The following DLG2 variants were observed in gnomAD, a reference collection of about 807,000 sequenced individuals.
DLG2 encodes the protein discs large MAGUK scaffold protein 2, also known as disks large homolog 2.
DLG2 carries 45 observed loss-of-function variants against 132.5 expected under a neutral mutation model. The ratio of observed to expected loss-of-function variants is 0.34; its 90% CI spans 0.27 to 0.44. The LOEUF is 0.44. Ranked by LOEUF, DLG2 falls within the 20% of genes least tolerant of loss-of-function variation. The pLI is 1.00. For synonymous variants in DLG2, 424 were observed against 419.6 expected, an observed-to-expected ratio of 1.01 and a Z score of -0.13; for missense variants, 1,045 against 1,196.9, an observed-to-expected ratio of 0.87 and a Z score of 1.87.
chr11:84,712,397 C>G (rs1437190263), intron 6 of DLG2, among the ~76,000 whole-genome samples: 7 of 152,042 alleles, frequency 4.6e-5, no homozygotes, highest in Admixed American at 2.6e-4. Context: ...TTGTTTGGGA[C>G]ATTCAGCACC....
chr11:83,608,707 GAC>G (rs3040167), intron 19 of DLG2, among the ~76,000 whole-genome samples: 12 of 149,932 alleles, frequency 8.0e-5, no homozygotes, highest in South Asian at 4.2e-4. Flanking sequence ...AATAAATCAG[GAC>G]ACACACACAC....
chr11:85,593,303 C>T (rs1203687429), intron 3 of DLG2, among the ~76,000 whole-genome samples: 1 of 152,162 alleles, frequency 6.6e-6, no homozygotes, highest in African/African-American at 2.4e-5. Flanking sequence ...TGGCCAAATA[C>T]CTAACCATTT....
At chr11:85,518,074 C>A (rs569334863) in intron 3 of DLG2, among the ~76,000 whole-genome samples, 1 of 152,158 alleles carries the variant, frequency 6.6e-6, no homozygotes, top group African/African-American at 2.4e-5. Context: ...TGTAAATTAC[C>A]CAATCTCAGG....
intron 15 of DLG2, among the ~76,000 whole-genome samples, chr11:83,906,528 C>T (rs1422009136): frequency 1.3e-5 from 2 of 152,046 alleles, no homozygotes; most frequent in Non-Finnish European, 2.9e-5. Context: ...ATATTATTAG[C>T]ATCTACTTTT....
chr11:85,381,334 C>T (rs1449610002), intron 3 of DLG2, among the ~76,000 whole-genome samples: 6 of 152,156 alleles, frequency 3.9e-5, no homozygotes, highest in Non-Finnish European at 8.8e-5. Flanking sequence ...GTCTGTATAA[C>T]AGATCCAGCC....
At chr11:83,839,270 T>C (rs189331498) in intron 16 of DLG2, among the ~76,000 whole-genome samples, 1 of 152,332 alleles carries the variant, frequency 6.6e-6, no homozygotes, top group East Asian at 1.9e-4. Flanking sequence ...CAGAATTTTA[T>C]ATTATAGTTA....
chr11:85,102,678 A>G (rs547787535), intron 6 of DLG2, among the ~76,000 whole-genome samples: 1 of 152,128 alleles, frequency 6.6e-6, no homozygotes, highest in Admixed American at 6.6e-5. Flanking sequence ...AGTTAACATC[A>G]TGTTCAGTGA....
intron 4 of DLG2, among the ~76,000 whole-genome samples, chr11:85,172,282 C>A (rs973303457): frequency 6.6e-6 from 1 of 152,218 alleles, no homozygotes; most frequent in African/African-American, 2.4e-5. Context: ...TGCTGTTTCA[C>A]AGCCTTCACT....
intron 7 of DLG2, among the ~76,000 whole-genome samples, chr11:84,405,111 AC>A (rs1381269366): frequency 4.6e-5 from 7 of 152,352 alleles, no homozygotes; most frequent in Non-Finnish European, 8.8e-5. Context: ...CAGGCAAAGG[AC>A]AAAATGAATG....
chr11:84,121,663 G>A (rs573262064), intron 9 of DLG2, among the ~76,000 whole-genome samples: 4 of 143,310 alleles, frequency 2.8e-5, no homozygotes, highest in East Asian at 4.5e-4. Context: ...CCGGGTTCAC[G>A]CCATTCTCCT....
chr11:83,992,975 G>T (rs922296391), intron 11 of DLG2, among the ~76,000 whole-genome samples: 2 of 152,100 alleles, frequency 1.3e-5, no homozygotes, highest in African/African-American at 2.4e-5. Context: ...GCATAAAATG[G>T]CAAAGAGCTG....
At chr11:85,023,967 C>T (rs1265883112) in intron 6 of DLG2, among the ~76,000 whole-genome samples, 1 of 152,022 alleles carries the variant, frequency 6.6e-6, no homozygotes, top group Non-Finnish European at 1.5e-5. Context: ...CCACTCATAC[C>T]CTTTTGGCCA....
intron 4 of DLG2, among the ~76,000 whole-genome samples, chr11:85,256,884 T>C (rs780178399): frequency 4.1e-4 from 63 of 152,236 alleles, no homozygotes; most frequent in Non-Finnish European, 3.8e-4. Flanking sequence ...CAGAAAATAT[T>C]GTATTCAGAA....
intron 6 of DLG2, among the ~76,000 whole-genome samples, chr11:84,924,144 G>A (rs1355350557): frequency 6.6e-6 from 1 of 152,070 alleles, no homozygotes; most frequent in Non-Finnish European, 1.5e-5. Flanking sequence ...TCTATCTGTT[G>A]TCATTCCTGT....
intron 7 of DLG2, among the ~76,000 whole-genome samples, chr11:84,495,665 C>G (rs2099180588): frequency 6.6e-6 from 1 of 152,148 alleles, no homozygotes; most frequent in Non-Finnish European, 1.5e-5. Context: ...TCATTCTCTT[C>G]TCTGTGCTTC....
chr11:83,657,612 C>T (rs1223986199), intron 18 of DLG2, among the ~76,000 whole-genome samples: 1 of 145,484 alleles, frequency 6.9e-6, no homozygotes, highest in Admixed American at 7.0e-5. Context: ...GATCTCGGCT[C>T]ACTGCAAGAT....
At chr11:85,389,596 G>C (rs2086631072) in intron 3 of DLG2, among the ~76,000 whole-genome samples, 1 of 152,104 alleles carries the variant, frequency 6.6e-6, no homozygotes, top group South Asian at 2.1e-4. Context: ...AGAGTCTTAA[G>C]AGCTACAAGA....
chr11:84,443,653 T>G (rs2099024114), intron 7 of DLG2, among the ~76,000 whole-genome samples: 1 of 152,208 alleles, frequency 6.6e-6, no homozygotes, highest in African/African-American at 2.4e-5. Flanking sequence ...TGATTACTGG[T>G]GAGACTTAAG....
At chr11:85,044,514 G>A (rs1012142955) in intron 6 of DLG2, among the ~76,000 whole-genome samples, 10 of 151,938 alleles carry the variant, frequency 6.6e-5, no homozygotes, top group African/African-American at 2.4e-4. Context: ...AAAACTTTCA[G>A]GGGTCAGGGT....
Sources: gnomAD v4.1 joint callset for allele counts (sites outside exome capture counted in the v4.1 genomes callset) on GRCh38, gnomAD v4.1.1 for gene constraint, MANE v1.5 for transcripts, NCBI Gene and HGNC (gene_info 2026-07-23, HGNC 2026-07-21) for gene names.